CUX1: variants seen among roughly 807,000 people sequenced by gnomAD.
CUX1 encodes cut like homeobox 1.
A neutral mutation model predicts 158.8 loss-of-function variants in CUX1; 31 were observed. The ratio of observed to expected loss-of-function variants is 0.20; its 90% CI spans 0.15 to 0.26. The LOEUF (loss-of-function observed/expected upper bound fraction) is 0.26, where lower values mean the gene tolerates loss of function less well. Among genes scored for constraint, CUX1 ranks in the 10% least tolerant of loss-of-function variants. CUX1 has a pLI of 1.00. For synonymous variants in CUX1, 879 were observed against 862.1 expected (o/e 1.02, Z -0.34); for missense variants, 1,589 against 2,014.6 (o/e 0.79, Z 4.04).
intron 1 of CUX1, among the ~76,000 whole-genome samples, chr7:101,848,651 A>G (rs1279641221): frequency 1.3e-5 from 2 of 152,010 alleles, no homozygotes; most frequent in African/African-American, 4.8e-5. Context: ...GGCTCCATCT[A>G]TGGAATGTGC....
chr7:101,907,376 TCTCA>T (rs1802875484), intron 1 of CUX1, among the ~76,000 whole-genome samples: 1 of 151,940 alleles, frequency 6.6e-6, no homozygotes, highest in Non-Finnish European at 1.5e-5. Context: ...GAGACCAGAG[TCTCA>T]CTCTGTTTCC....
At position 102,239,447 on chromosome 7, in the gene CUX1, G is replaced by A; in HGVS notation, c.3750G>A (p.Val1250=). ...PQHQLKKPRV[V]LAPEEKEALK... ...ACCAGCTGAAGAAACCCCGGGTGGT[G>A]CTGGCTCCGGAGGAGAAGGAGGCGC... The change falls in exon 23 of 24, where the codon GTG becomes GTA. Residue 1250 remains valine (V), a synonymous_variant. Coordinates refer to ENST00000292535, the MANE Select transcript of CUX1 (RefSeq NM_181552.4). 6.2e-7 allele frequency: 1 copy of A among 1,613,992 alleles called. No individual in the cohort carries two copies. Among genetic ancestry groups the A allele is most frequent in the Non-Finnish European group, 8.5e-7 (1 of 1,179,922 alleles).
intron 2 of CUX1, among the ~76,000 whole-genome samples, chr7:102,018,627 C>T (rs1818960745): frequency 1.3e-5 from 2 of 152,334 alleles, no homozygotes; most frequent in South Asian, 4.1e-4. Flanking sequence ...GGACAAACAG[C>T]CTTTCCCTTG....
intron 9 of CUX1, among the ~76,000 whole-genome samples, chr7:102,166,184 G>A (rs544142428): frequency 8.5e-5 from 13 of 152,328 alleles, no homozygotes; most frequent in African/African-American, 3.1e-4. Context: ...CTTGCCGGGT[G>A]GCTGTTTTCT....
chr7:101,975,721 A>G (rs1812580936), intron 2 of CUX1, among the ~76,000 whole-genome samples: 1 of 152,238 alleles, frequency 6.6e-6, no homozygotes, highest in Non-Finnish European at 1.5e-5. Context: ...GTCCATCAAC[A>G]GTGAGGTTGG....
chr7:102,227,042 T>C (rs1043890832), intron 20 of CUX1, among the ~76,000 whole-genome samples: 4 of 152,202 alleles, frequency 2.6e-5, no homozygotes, highest in African/African-American at 9.6e-5. Context: ...TACCAAATTA[T>C]GGGGTTTCAT....
intron 9 of CUX1, among the ~76,000 whole-genome samples, chr7:102,164,128 G>T (rs187825676): frequency 6.6e-6 from 1 of 152,172 alleles, no homozygotes; most frequent in African/African-American, 2.4e-5. Context: ...ACCCCGTCCC[G>T]TCCGGGGGCT....
chr7:101,852,447 G>A (rs1796361841), intron 1 of CUX1, among the ~76,000 whole-genome samples: 1 of 151,634 alleles, frequency 6.6e-6, no homozygotes, highest in South Asian at 2.1e-4. Flanking sequence ...GCAAAACCCT[G>A]TCTCTACTAA....
At position 102,201,295 on chromosome 7, in the gene CUX1, G is replaced by A. The variant is rs1795404971; in HGVS notation, c.2063-65G>A. 1 of 1,567,956 alleles carries A rather than the reference G, an allele frequency of 6.4e-7. No homozygotes were observed. The highest frequency in any genetic ancestry group is 8.6e-7 in the Non-Finnish European group (1 of 1,156,914). ...ACTTTGCAGTAGGTCAAGTTAGGAT[G>A]AGAAGCATGTCCCCAGCTGAAGGGG... On this transcript the variant is annotated intron_variant, in intron 17 of 23. Coordinates refer to ENST00000292535, the MANE Select transcript of CUX1 (RefSeq NM_181552.4). This position sits in a 1 kb window ranked among gnomAD's most constrained non-coding sequence, Gnocchi z 5.0.
intron 1 of CUX1, among the ~76,000 whole-genome samples, chr7:101,862,642 T>A (rs1397846756): frequency 6.6e-6 from 1 of 152,152 alleles, no homozygotes; most frequent in African/African-American, 2.4e-5. Flanking sequence ...CACACTGACA[T>A]AATTTACATC....
chr7:102,145,574 T>C (rs10243429), intron 8 of CUX1, among the ~76,000 whole-genome samples: 35,892 of 152,118 alleles, frequency 0.24, 4,564 homozygotes, highest in Non-Finnish European at 0.29. Context: ...ATCCTCATGC[T>C]AATTTCTTTG....
intron 9 of CUX1, 57 bp from the exon 10 acceptor site, chr7:102,170,389 A>C: frequency 8.3e-7 from 1 of 1,207,256 alleles, no homozygotes; most frequent in East Asian, 2.6e-5. Flanking sequence ...TCTTGTAATA[A>C]TTGTCAGTTG....
chr7:102,235,379 G>T (rs1486877677), intron 22 of CUX1, among the ~76,000 whole-genome samples: 1 of 152,140 alleles, frequency 6.6e-6, no homozygotes, highest in Non-Finnish European at 1.5e-5. Flanking sequence ...TCCCTGATCA[G>T]CTAACGCAGA....
chr7:102,120,954 T>C (rs1436152141), intron 8 of CUX1, among the ~76,000 whole-genome samples: 1 of 152,130 alleles, frequency 6.6e-6, no homozygotes, highest in African/African-American at 2.4e-5. Flanking sequence ...TTCCATTTAC[T>C]TGGGAGGCTG....
intron 2 of CUX1, among the ~76,000 whole-genome samples, chr7:102,013,251 G>A (rs1366081123): frequency 6.6e-6 from 1 of 152,052 alleles, no homozygotes; most frequent in Non-Finnish European, 1.5e-5. Flanking sequence ...TACAAAAATC[G>A]CCGAAGCTAA....
At chr7:102,054,444 C>G (rs982773590) in intron 3 of CUX1, among the ~76,000 whole-genome samples, 6 of 152,162 alleles carry the variant, frequency 3.9e-5, no homozygotes, top group African/African-American at 1.4e-4. Context: ...TCATGTCACT[C>G]TTGTCAAAAA....
chr7:102,250,127 A>C lies in CUX1; in HGVS notation c.*1085A>C. On this transcript the variant is annotated 3_prime_UTR_variant, in exon 24 of 24. Coordinates refer to ENST00000292535, the MANE Select transcript of CUX1 (RefSeq NM_181552.4). ...AATCTGCTTTTTAACCTCTAACCGC[A>C]GAGCACGCTGATCAGACCTCATATC... is the stretch of plus-strand genomic sequence containing the variant. 2 of 985,436 alleles carry C rather than the reference A, an allele frequency of 2.0e-6. No homozygotes were observed. Among genetic ancestry groups the C allele is most frequent in the Non-Finnish European group, 2.4e-6 (2 of 829,928 alleles). The allele number at this position is 985,436 out of a possible 1,614,324, so 61.0% of individuals were successfully genotyped here.
chr7:101,995,416 A>G (rs556954122), intron 2 of CUX1, among the ~76,000 whole-genome samples: 4 of 152,286 alleles, frequency 2.6e-5, no homozygotes, highest in African/African-American at 9.6e-5. Flanking sequence ...TTCTTATAAA[A>G]CAGTACCCTC....
At chr7:102,220,532 A>G (rs1352172616) in intron 20 of CUX1, among the ~76,000 whole-genome samples, 2 of 152,174 alleles carry the variant, frequency 1.3e-5, no homozygotes, top group African/African-American at 4.8e-5. Context: ...CTAGCTAGGA[A>G]GTATCCAGGC....
Sources: allele counts gnomAD v4.1 joint callset (sites outside exome capture counted in the v4.1 genomes callset), GRCh38; gene constraint gnomAD v4.1.1; non-coding constraint Gnocchi (gnomAD v3.1); transcripts MANE v1.5; gene names NCBI Gene and HGNC (gene_info 2026-07-23, HGNC 2026-07-21).